Variants in NTNG2 observed in about 807,000 individuals in gnomAD.
NTNG2 encodes netrin-G2.
Under a neutral mutation model 47.6 loss-of-function variants are expected in NTNG2, and 15 were observed. That is an observed-to-expected ratio of 0.32 (90% confidence interval 0.21 to 0.49). The LOEUF (loss-of-function observed/expected upper bound fraction) is 0.49, where lower values mean the gene tolerates loss of function less well. Ranked by LOEUF, NTNG2 falls within the 20% of genes least tolerant of loss-of-function variation. NTNG2 has a pLI of 0.99. For missense variants in NTNG2, 578 were observed against 764.6 expected, an observed-to-expected ratio of 0.76 and a Z score of 2.88; for synonymous variants, 307 against 324.6, an observed-to-expected ratio of 0.95 and a Z score of 0.58.
intron 6 of NTNG2, 102 bp from the exon 7 acceptor site, chr9:132,240,808 G>A (rs1564449614): frequency 1.9e-6 from 3 of 1,539,698 alleles, no homozygotes; most frequent in Non-Finnish European, 2.7e-6. Context: ...GCATCCCCTG[G>A]GGAGTGTGGA....
intron 3 of NTNG2, among the ~76,000 whole-genome samples, chr9:132,223,871 G>A (rs1222135048): frequency 2.0e-5 from 3 of 152,072 alleles, no homozygotes; most frequent in African/African-American, 7.3e-5. Context: ...TCAAAGGCTT[G>A]CAGAGTAAAA....
At chr9:132,241,465 G>A in intron 7 of NTNG2, 1 of 333,334 alleles carries the variant, frequency 3.0e-6, no homozygotes, top group East Asian at 7.1e-5. Context: ...GGTGCCTGGT[G>A]GGAACTACGA....
intron 2 of NTNG2, among the ~76,000 whole-genome samples, chr9:132,177,814 C>T (rs772456975): frequency 1.8e-4 from 28 of 152,268 alleles, no homozygotes; most frequent in Admixed American, 3.3e-4. Context: ...CTAGCCAGCA[C>T]GCCCAGCTAA....
In NTNG2 at chr9:132,236,466, C is replaced by T. The variant is rs1258677366; in HGVS notation, c.1055-2638C>T. 6.6e-6 allele frequency among the ~76,000 whole-genome samples: 1 copy of T among 152,164 alleles called. No homozygotes were observed. The highest frequency in any genetic ancestry group is 6.5e-5 in the Admixed American group (1 of 15,286). ...ACCAAGCCTGGGTGGGGAATTAGGG[C>T]CTGAGGTCTAGGGAACAGGTGAGCT... On this transcript the variant is annotated intron_variant, in intron 5 of 7. Transcript: ENST00000393229. The surrounding 1 kb of genome is among the most constrained non-coding windows in gnomAD (Gnocchi z 4.3).
At chr9:132,201,020 G>T (rs963485268) in intron 3 of NTNG2, among the ~76,000 whole-genome samples, 5 of 152,266 alleles carry the variant, frequency 3.3e-5, no homozygotes, top group Non-Finnish European at 7.3e-5. Context: ...CTCCTGGCTT[G>T]TCTTCTGACC....
chr9:132,175,309 C>T (rs1344543908), intron 2 of NTNG2, among the ~76,000 whole-genome samples: 4 of 152,150 alleles, frequency 2.6e-5, no homozygotes, highest in African/African-American at 7.2e-5. Flanking sequence ...CCTGACCGCT[C>T]GCTAGGGTTA....
intron 3 of NTNG2, among the ~76,000 whole-genome samples, chr9:132,203,663 C>A (rs1238619646): frequency 6.6e-6 from 1 of 152,218 alleles, no homozygotes; most frequent in African/African-American, 2.4e-5. Flanking sequence ...AGGGAGCACC[C>A]CTGCTCTGAA....
intron 2 of NTNG2, among the ~76,000 whole-genome samples, chr9:132,174,447 C>T (rs1302374106): frequency 6.6e-6 from 1 of 152,182 alleles, no homozygotes; most frequent in East Asian, 1.9e-4. Flanking sequence ...GAGATGGGGC[C>T]CGGGGGCATC....
At chr9:132,191,648 T>G (rs1052996321) in intron 2 of NTNG2, among the ~76,000 whole-genome samples, 2 of 152,014 alleles carry the variant, frequency 1.3e-5, no homozygotes, top group Non-Finnish European at 2.9e-5. Context: ...CTCGGCTCAC[T>G]GCAAGCTCCA....
At position 132,242,110 on chromosome 9, in the gene NTNG2, G is replaced by T; in HGVS notation, c.1592G>T (p.Ter531LeuextTer154). The change falls in exon 8 of 8, where the codon TGA (stop) becomes TTA (leucine). Residue 531 changes from the stop codon to leucine (L), a stop_lost. Transcript: ENST00000393229. This position sits in a 1 kb window ranked among gnomAD's most constrained non-coding sequence, Gnocchi z 5.9. ...LLGLAARLGR[*>L] ...GGGCTGGCCGCCCGCCTGGGCCGCT[G>T]AGCCCCGCCCGGAGGACGCTCCCCG... The T allele has an allele frequency of 8.8e-7, 1 of 1,137,220 alleles. No individual in the cohort carries two copies. Among genetic ancestry groups the T allele is most frequent in the South Asian group, 4.2e-5 (1 of 23,636 alleles). 70.4% of individuals were successfully genotyped at this position (1,137,220 alleles called of 1,614,324 possible).
chr9:132,217,074 G>A lies in NTNG2; in HGVS notation c.858-9775G>A, dbSNP rs72763694. 7.7e-3 allele frequency among the ~76,000 whole-genome samples: 1,175 copies of A among 152,254 alleles called. 5 individuals carry two copies. Among genetic ancestry groups the A allele is most frequent in the Middle Eastern group, 0.017 (5 of 294 alleles). On this transcript the variant is annotated intron_variant, in intron 3 of 7. Coordinates refer to ENST00000393229, the MANE Select transcript of NTNG2 (RefSeq NM_032536.4). Reference sequence around the variant, plus strand: ...TCCAGCTCTAGTGCCATGCAGCCCCGAGTGCCAAGCCTGCTTCTTCCACCC... The same window carrying A: ...TCCAGCTCTAGTGCCATGCAGCCCCAAGTGCCAAGCCTGCTTCTTCCACCC...
Position 132,163,983 on chromosome 9 carries a change from G to T in NTNG2, c.-484+1744G>T, listed in dbSNP as rs1012086871. ...TTTCCACGGAGAAAACGATCCTCCG[G>T]GATGCAGCTTCTTACTCTGAAAATT... On this transcript the variant is annotated intron_variant, in intron 1 of 7. Transcript: ENST00000393229. This position sits in a 1 kb window ranked among gnomAD's most constrained non-coding sequence, Gnocchi z 7.2. Among the ~76,000 whole-genome samples, 8 of 152,182 alleles carry T rather than the reference G, an allele frequency of 5.3e-5. No individual in the cohort carries two copies. Among genetic ancestry groups the T allele is most frequent in the African/African-American group, 1.9e-4 (8 of 41,512 alleles).
chr9:132,202,967 A>T (rs71481386), intron 3 of NTNG2, among the ~76,000 whole-genome samples: 161 of 152,234 alleles, frequency 1.1e-3, no homozygotes, highest in Non-Finnish European at 1.5e-3. Context: ...GCCTGTTGTG[A>T]GGAGTCGATG....
chr9:132,222,707 A>G (rs555787187), intron 3 of NTNG2, among the ~76,000 whole-genome samples: 2 of 152,188 alleles, frequency 1.3e-5, no homozygotes, highest in South Asian at 4.1e-4. Context: ...CCCACCCAGG[A>G]CCTGCAGGAT....
At chr9:132,224,827 G>A (rs113379138) in intron 3 of NTNG2, among the ~76,000 whole-genome samples, 8 of 152,192 alleles carry the variant, frequency 5.3e-5, no homozygotes, top group South Asian at 2.1e-4. Flanking sequence ...CCTCTCACCC[G>A]ACTGCAGTTA....
Position 132,226,427 on chromosome 9 carries a change from C to A in NTNG2, c.858-422C>A, listed in dbSNP as rs1359164766. On this transcript the variant is annotated intron_variant, in intron 3 of 7. Coordinates refer to ENST00000393229, the MANE Select transcript of NTNG2 (RefSeq NM_032536.4). The surrounding 1 kb of genome is among the most constrained non-coding windows in gnomAD (Gnocchi z 4.8). ...TGCCTTTCTACACAATGAAGTGCAG[C>A]CCATGGCCAAGTCTCTGTCTACACC... Among the ~76,000 whole-genome samples, 2 of 152,154 alleles carry A rather than the reference C, an allele frequency of 1.3e-5. No individual in the cohort carries two copies. The highest frequency in any genetic ancestry group is 2.9e-5 in the Non-Finnish European group (2 of 68,038).
In NTNG2 at chr9:132,207,156, G is replaced by A. The variant is rs140962531; in HGVS notation, c.857+8547G>A. Among the ~76,000 whole-genome samples, 804 of 152,350 alleles carry A rather than the reference G, an allele frequency of 5.3e-3. 8 individuals are homozygous for A. The highest frequency in any genetic ancestry group is 0.018 in the African/African-American group (754 of 41,568). ...AGGCATTTCCTCTGCGAGCTTTCTC[G>A]CCATCATATTAATTCACTCAACAGA... On this transcript the variant is annotated intron_variant, in intron 3 of 7. Transcript: ENST00000393229.
At chr9:132,239,333 G>A in intron 6 of NTNG2, 62 bp downstream of exon 6, 1 of 1,586,020 alleles carries the variant, frequency 6.3e-7, no homozygotes. Flanking sequence ...GCACTGCCCT[G>A]CGAGGTGGCC....
chr9:132,169,793 G>C (rs1835760644), intron 2 of NTNG2, among the ~76,000 whole-genome samples: 1 of 152,238 alleles, frequency 6.6e-6, no homozygotes, highest in African/African-American at 2.4e-5. Context: ...CTAGTCACCA[G>C]CTTATCACTG....
Sources: gnomAD v4.1 joint callset for allele counts (sites outside exome capture counted in the v4.1 genomes callset) on GRCh38, gnomAD v4.1.1 for gene constraint, Gnocchi (gnomAD v3.1) non-coding constraint, MANE v1.5 for transcripts, NCBI Gene and HGNC (gene_info 2026-07-23, HGNC 2026-07-21) for gene names.